Variants in TAFA2 observed in about 807,000 individuals in gnomAD.
TAFA2 encodes the protein TAFA chemokine like family member 2.
Under a neutral mutation model 18.8 loss-of-function variants are expected in TAFA2, and 7 were observed. The ratio of observed to expected loss-of-function variants is 0.37; its 90% CI spans 0.21 to 0.70. The LOEUF is 0.70. Ranked by LOEUF, TAFA2 falls within the 30% of genes least tolerant of loss-of-function variation. The probability of loss-of-function intolerance (pLI) is 0.53; values close to 1 mark genes in which losing one functional copy is unlikely to be tolerated. For missense variants in TAFA2, 122 were observed against 158.1 expected, an observed-to-expected ratio of 0.77 and a Z score of 1.23; for synonymous variants, 60 against 54.2, an observed-to-expected ratio of 1.11 and a Z score of -0.47.
chr12:61,844,730 T>C (rs7959668), intron 2 of TAFA2, among the ~76,000 whole-genome samples: 135,006 of 152,142 alleles, frequency 0.89, 60,126 homozygotes, highest in East Asian at 0.98. Flanking sequence ...GCGTGGCTCA[T>C]GAACAATTAT....
At chr12:61,734,924 T>C (rs1052541411) in intron 4 of TAFA2, among the ~76,000 whole-genome samples, 3 of 152,056 alleles carry the variant, frequency 2.0e-5, no homozygotes, top group African/African-American at 7.2e-5. Flanking sequence ...TGACAACCTC[T>C]TTATGTCTCA....
Position 61,720,801 on chromosome 12 carries a change from C to T in TAFA2, c.385-10384G>A, listed in dbSNP as rs535009296. On this transcript the variant is annotated intron_variant, in intron 4 of 4. Coordinates refer to ENST00000416284, the MANE Select transcript of TAFA2 (RefSeq NM_178539.5). ...CGACCAACACTAGGATTCGCCACAA[C>T]TAGTGCTCCAACATGGAGCCAAAAC... 8.9e-6 allele frequency: 4 copies of T among 449,236 alleles called. No homozygotes were observed. The East Asian group carries it at 1.9e-4, about 22-fold the overall frequency. 27.8% of individuals were successfully genotyped at this position (449,236 alleles called of 1,614,324 possible).
At chr12:61,941,770 G>A (rs577272303) in intron 1 of TAFA2, among the ~76,000 whole-genome samples, 1 of 152,338 alleles carries the variant, frequency 6.6e-6, no homozygotes, top group East Asian at 1.9e-4. Flanking sequence ...CACACCACGA[G>A]ACTATATCCC....
At chr12:62,203,116 C>T (rs1299799318) in intron 1 of TAFA2, among the ~76,000 whole-genome samples, 1 of 152,120 alleles carries the variant, frequency 6.6e-6, no homozygotes, top group African/African-American at 2.4e-5. Flanking sequence ...CATGAGCCAC[C>T]ACACCCATCT....
chr12:62,240,148 G>A (rs897598922), intron 1 of TAFA2, among the ~76,000 whole-genome samples: 6 of 151,700 alleles, frequency 4.0e-5, no homozygotes, highest in Admixed American at 6.6e-5. Flanking sequence ...GCCAGGCTCC[G>A]TGGCTCACAT....
chr12:62,020,137 T>C (rs1881081502), intron 1 of TAFA2, among the ~76,000 whole-genome samples: 1 of 152,218 alleles, frequency 6.6e-6, no homozygotes, highest in South Asian at 2.1e-4. Flanking sequence ...TTTTATTAAG[T>C]TGATACTAAA....
chr12:61,807,250 T>G (rs113711606), intron 2 of TAFA2, among the ~76,000 whole-genome samples: 7,229 of 151,242 alleles, frequency 0.048, 885 homozygotes, highest in African/African-American at 0.17. Flanking sequence ...GTGGCTGAAA[T>G]GCGCCAATGT....
At chr12:61,824,560 C>CA (rs201366796) in intron 2 of TAFA2, among the ~76,000 whole-genome samples, 5 of 151,586 alleles carry the variant, frequency 3.3e-5, no homozygotes, top group South Asian at 4.2e-4. Context: ...ATTTTATTTC[C>CA]AAAAAAAGTC....
intron 4 of TAFA2, among the ~76,000 whole-genome samples, chr12:61,710,899 G>A (rs370243101): frequency 3.4e-4 from 51 of 151,766 alleles, no homozygotes; most frequent in African/African-American, 1.2e-3. Context: ...AAAAATTGAG[G>A]GTTTATTTGA....
chr12:62,004,477 A>G (rs1880480667), intron 1 of TAFA2, among the ~76,000 whole-genome samples: 1 of 152,274 alleles, frequency 6.6e-6, no homozygotes, highest in African/African-American at 2.4e-5. Flanking sequence ...TGTTAAAAAG[A>G]AGAAAAGTTA....
chr12:62,062,160 C>A lies in TAFA2; in HGVS notation c.-2+129099G>T, dbSNP rs76684027. 8.7e-4 allele frequency among the ~76,000 whole-genome samples: 133 copies of A among 152,054 alleles called. 2 individuals are homozygous for A. The East Asian group carries it at 0.019, about 22-fold the overall frequency. On this transcript the variant is annotated intron_variant, in intron 1 of 4. Coordinates refer to ENST00000416284, the MANE Select transcript of TAFA2 (RefSeq NM_178539.5). ...CTGCACTCCAGCCTGGATGACAGAG[C>A]AAGACTCTCTCAACAAAAAAAAAGA...
chr12:61,800,845 T>C (rs1249307293), intron 2 of TAFA2, among the ~76,000 whole-genome samples: 5 of 152,134 alleles, frequency 3.3e-5, no homozygotes, highest in African/African-American at 4.8e-5. Context: ...AGAAAAGTCC[T>C]TTGCTGACCT....
intron 1 of TAFA2, among the ~76,000 whole-genome samples, chr12:61,892,093 T>C (rs925784934): frequency 2.6e-5 from 4 of 151,352 alleles, no homozygotes; most frequent in African/African-American, 9.7e-5. Flanking sequence ...AAGCTATCAG[T>C]AGAGAGGAAG....
intron 1 of TAFA2, among the ~76,000 whole-genome samples, chr12:62,124,547 C>T (rs1870367757): frequency 2.0e-5 from 3 of 152,070 alleles, no homozygotes; most frequent in Non-Finnish European, 4.4e-5. Flanking sequence ...AATGTTATCT[C>T]TCATTGAATT....
intron 1 of TAFA2, among the ~76,000 whole-genome samples, chr12:61,954,469 T>C (rs1166207143): frequency 6.6e-6 from 1 of 152,130 alleles, no homozygotes; most frequent in East Asian, 1.9e-4. Context: ...ACAAGAGTCA[T>C]CTCATTCATA....
chr12:61,714,410 C>T (rs1404698557), intron 4 of TAFA2, among the ~76,000 whole-genome samples: 1 of 152,164 alleles, frequency 6.6e-6, no homozygotes, highest in African/African-American at 2.4e-5. Flanking sequence ...CAGGACGCTA[C>T]CCTGGTAGCA....
chr12:62,127,803 T>C (rs958533589), intron 1 of TAFA2, among the ~76,000 whole-genome samples: 3 of 152,020 alleles, frequency 2.0e-5, no homozygotes, highest in Admixed American at 6.6e-5. Context: ...GTCTGTGAAA[T>C]AAAGGTAATA....
chr12:61,833,632 T>G (rs1261752451), intron 2 of TAFA2, among the ~76,000 whole-genome samples: 1 of 152,094 alleles, frequency 6.6e-6, no homozygotes, highest in Non-Finnish European at 1.5e-5. Context: ...TGGTTCTAGT[T>G]GCTTCAAATT....
At chr12:62,143,304 A>G (rs1461250522) in intron 1 of TAFA2, among the ~76,000 whole-genome samples, 5 of 152,356 alleles carry the variant, frequency 3.3e-5, no homozygotes, top group African/African-American at 7.2e-5. Context: ...TGAGTAGTCA[A>G]TTGGAGAAAG....
Sources: gnomAD v4.1 joint callset for allele counts (sites outside exome capture counted in the v4.1 genomes callset) on GRCh38, gnomAD v4.1.1 for gene constraint, MANE v1.5 for transcripts, NCBI Gene and HGNC (gene_info 2026-07-23, HGNC 2026-07-21) for gene names.